The following DYM variants were observed in gnomAD, a reference collection of about 807,000 sequenced individuals.
DYM encodes dyggve-Melchior-Clausen syndrome protein.
Under a neutral mutation model 93.1 loss-of-function variants are expected in DYM, and 78 were observed. The ratio of observed to expected loss-of-function variants is 0.84; its 90% CI spans 0.70 to 1.01. The LOEUF (loss-of-function observed/expected upper bound fraction) is 1.01, where lower values mean the gene tolerates loss of function less well. Ranked by LOEUF, DYM falls within the 50% of genes least tolerant of loss-of-function variation. The pLI is 0.00. For missense variants in DYM, 789 were observed against 845.0 expected (o/e 0.93, Z 0.82); for synonymous variants, 321 against 319.7 (o/e 1.00, Z -0.04).
chr18:49,129,473 G>C (rs2083175565), intron 15 of DYM, among the ~76,000 whole-genome samples: 1 of 152,222 alleles, frequency 6.6e-6, no homozygotes. Context: ...TCTAAGGAAA[G>C]AAGGAACACA....
intron 17 of DYM, among the ~76,000 whole-genome samples, chr18:49,081,870 A>C (rs1018630031): frequency 1.1e-4 from 17 of 152,206 alleles, no homozygotes; most frequent in African/African-American, 4.1e-4. Flanking sequence ...CTGTCACTGC[A>C]GTCAGCCCAA....
intron 8 of DYM, among the ~76,000 whole-genome samples, chr18:49,323,013 G>A (rs960929529): frequency 5.9e-5 from 9 of 152,098 alleles, no homozygotes; most frequent in African/African-American, 1.4e-4. Flanking sequence ...AGTCCAGTAC[G>A]TCCCTCTTCT....
At chr18:49,189,521 C>T (rs929955137) in intron 14 of DYM, among the ~76,000 whole-genome samples, 4 of 151,998 alleles carry the variant, frequency 2.6e-5, no homozygotes, top group Non-Finnish European at 5.9e-5. Context: ...AAACAATGAC[C>T]CAAGCCCAGA....
chr18:49,240,341 CTGACAG>C (rs749050234), intron 13 of DYM, among the ~76,000 whole-genome samples: 1 of 152,004 alleles, frequency 6.6e-6, no homozygotes, highest in Non-Finnish European at 1.5e-5. Flanking sequence ...GTCAGTTATA[CTGACAG>C]ATATTAAAAC....
chr18:49,277,214 C>T (rs1420996148), intron 10 of DYM, among the ~76,000 whole-genome samples: 2 of 152,048 alleles, frequency 1.3e-5, no homozygotes, highest in Admixed American at 1.3e-4. Context: ...ACTGCAAATA[C>T]AGAACTGAAC....
At chr18:49,225,220 G>C (rs1371958940) in intron 13 of DYM, among the ~76,000 whole-genome samples, 1 of 152,004 alleles carries the variant, frequency 6.6e-6, no homozygotes, top group Non-Finnish European at 1.5e-5. Flanking sequence ...AATAGCATGC[G>C]TGCACACACA....
chr18:49,377,295 C>T (rs1260161785), intron 5 of DYM, among the ~76,000 whole-genome samples: 2 of 152,196 alleles, frequency 1.3e-5, no homozygotes, highest in Non-Finnish European at 2.9e-5. Context: ...CACGGTGGCT[C>T]ATGCCTGTAA....
chr18:49,256,894 T>G, intron 13 of DYM, 116 bp downstream of exon 13: 2 of 859,782 alleles, frequency 2.3e-6, no homozygotes, highest in Non-Finnish European at 3.8e-6. Flanking sequence ...TGATAAAAAT[T>G]AAGTAGGAAA....
intron 13 of DYM, among the ~76,000 whole-genome samples, chr18:49,255,672 C>CAAA (rs1172353065): frequency 2.7e-5 from 2 of 75,380 alleles, no homozygotes; most frequent in African/African-American, 5.0e-5. Flanking sequence ...GACTCTGTCT[C>CAAA]AAAAAAAAAA....
At chr18:49,455,208 C>T (rs1170711482) in intron 1 of DYM, among the ~76,000 whole-genome samples, 1 of 152,182 alleles carries the variant, frequency 6.6e-6, no homozygotes, top group East Asian at 1.9e-4. Context: ...TATACACTTA[C>T]AATCCAAAAT....
chr18:49,339,487 G>A (rs2146968137), intron 6 of DYM, among the ~76,000 whole-genome samples: 1 of 152,154 alleles, frequency 6.6e-6, no homozygotes, highest in East Asian at 1.9e-4. Flanking sequence ...CAGTTGCCTT[G>A]CTGTAGGCTA....
chr18:49,081,004 C>T (rs2145180978), intron 17 of DYM, among the ~76,000 whole-genome samples: 1 of 150,730 alleles, frequency 6.6e-6, no homozygotes, highest in East Asian at 2.0e-4. Flanking sequence ...GGCAGAGACG[C>T]TCCTCACTTT....
chr18:49,367,099 G>T (rs2066596248), intron 5 of DYM, among the ~76,000 whole-genome samples: 1 of 152,158 alleles, frequency 6.6e-6, no homozygotes, highest in Non-Finnish European at 1.5e-5. Context: ...GGTTAGGAGG[G>T]AGACATCTGA....
intron 15 of DYM, among the ~76,000 whole-genome samples, chr18:49,144,631 C>T (rs1279384315): frequency 6.6e-6 from 1 of 152,210 alleles, no homozygotes; most frequent in South Asian, 2.1e-4. Flanking sequence ...GGGTTGGTCA[C>T]TGTTACAATG....
At chr18:49,062,649 G>A (rs1416398173) in intron 17 of DYM, among the ~76,000 whole-genome samples, 1 of 152,200 alleles carries the variant, frequency 6.6e-6, no homozygotes, top group Non-Finnish European at 1.5e-5. Flanking sequence ...CATGCTGTTT[G>A]CCATTTGTTC....
chr18:49,263,399 G>A lies in DYM; in HGVS notation c.1252-4906C>T, dbSNP rs190281318. ...CTCCCAAAGTGCTGGGATTACAGGCGTGAGCCACCACGCCTGGCTTGAATA... is the reference window on the plus strand; with the variant it reads ...CTCCCAAAGTGCTGGGATTACAGGCATGAGCCACCACGCCTGGCTTGAATA... On this transcript the variant is annotated intron_variant, in intron 11 of 17. Transcript: ENST00000675505. Among the ~76,000 whole-genome samples the A allele has an allele frequency of 3.3e-5, 5 of 150,876 alleles. No homozygotes were observed. The East Asian group carries it at 6.0e-4, about 18-fold the overall frequency.
chr18:49,224,321 C>G (rs552394172), intron 13 of DYM, among the ~76,000 whole-genome samples: 1 of 152,170 alleles, frequency 6.6e-6, no homozygotes, highest in South Asian at 2.1e-4. Context: ...CATTAGTCAT[C>G]TGATTGGACA....
At chr18:49,301,089 A>G (rs2060900642) in intron 8 of DYM, among the ~76,000 whole-genome samples, 1 of 152,210 alleles carries the variant, frequency 6.6e-6, no homozygotes. Context: ...AGAAAGGGAC[A>G]CATGTAAGTA....
intron 15 of DYM, among the ~76,000 whole-genome samples, chr18:49,136,602 G>A (rs1483869246): frequency 1.3e-5 from 2 of 152,080 alleles, no homozygotes; most frequent in Admixed American, 6.6e-5. Flanking sequence ...AGAGACAAAT[G>A]CTTAATTTTA....
Sources: allele counts gnomAD v4.1 joint callset (sites outside exome capture counted in the v4.1 genomes callset), GRCh38; gene constraint gnomAD v4.1.1; transcripts MANE v1.5; gene names NCBI Gene and HGNC (gene_info 2026-07-23, HGNC 2026-07-21).